Variants in SLBP observed in about 807,000 individuals in gnomAD.
SLBP encodes the protein histone RNA hairpin-binding protein.
SLBP carries 29 observed loss-of-function variants against 39.2 expected under a neutral mutation model. The observed-to-expected ratio is 0.74, with a 90% confidence interval of 0.55 to 1.01. The LOEUF is 1.01. Ranked by LOEUF, SLBP falls within the 50% of genes least tolerant of loss-of-function variation. SLBP has a pLI of 0.00. For synonymous variants in SLBP, 129 were observed against 118.7 expected (o/e 1.09, Z -0.57); for missense variants, 390 against 350.2 (o/e 1.11, Z -0.91).
intron 3 of SLBP, among the ~76,000 whole-genome samples, chr4:1,702,825 T>C (rs1214507913): frequency 6.6e-6 from 1 of 152,208 alleles, no homozygotes; most frequent in Non-Finnish European, 1.5e-5. Context: ...TTGGCATTTC[T>C]GAGCTGTTTG....
intron 6 of SLBP, among the ~76,000 whole-genome samples, chr4:1,695,619 A>G (rs536339933): frequency 3.3e-5 from 5 of 152,206 alleles, no homozygotes; most frequent in African/African-American, 1.2e-4. Context: ...CGTCTCCACT[A>G]AAAATACAAA....
At chr4:1,701,339 G>A (rs920917282) in intron 3 of SLBP, among the ~76,000 whole-genome samples, 17 of 151,778 alleles carry the variant, frequency 1.1e-4, no homozygotes, top group Non-Finnish European at 1.9e-4. Context: ...TAGAGACGGG[G>A]TTTCTCCATG....
intron 2 of SLBP, among the ~76,000 whole-genome samples, chr4:1,710,438 A>G (rs962313687): frequency 1.3e-5 from 2 of 152,238 alleles, no homozygotes. Flanking sequence ...TGTAAACCAA[A>G]AAGTGTCTGA....
intron 2 of SLBP, among the ~76,000 whole-genome samples, chr4:1,705,809 G>A (rs2108663029): frequency 6.6e-6 from 1 of 152,284 alleles, no homozygotes; most frequent in Middle Eastern, 3.4e-3. Context: ...TAATAAAAAG[G>A]TTGGAACGTC....
intron 2 of SLBP, among the ~76,000 whole-genome samples, chr4:1,711,618 A>G (rs1716775030): frequency 6.6e-6 from 1 of 152,104 alleles, no homozygotes. Flanking sequence ...GGAGCACAAC[A>G]CAGACTCGAA....
At chr4:1,710,698 T>C (rs761540273) in intron 2 of SLBP, among the ~76,000 whole-genome samples, 2 of 152,000 alleles carry the variant, frequency 1.3e-5, no homozygotes, top group African/African-American at 4.8e-5. Context: ...TGAACAGAGT[T>C]CACCCGTGGA....
At chr4:1,698,736 G>A (rs943017645) in intron 5 of SLBP, among the ~76,000 whole-genome samples, 2 of 151,574 alleles carry the variant, frequency 1.3e-5, no homozygotes, top group African/African-American at 2.4e-5. Context: ...CGCACTCCTC[G>A]GCCTCCCAAA....
At chr4:1,693,779 A>T in intron 7 of SLBP, 66 bp from the exon 8 acceptor site, 1 of 892,202 alleles carries the variant, frequency 1.1e-6, no homozygotes. Flanking sequence ...CCCTTCCTAC[A>T]CCCCACTCCT....
chr4:1,709,699 C>T (rs1179646428), intron 2 of SLBP, among the ~76,000 whole-genome samples: 1 of 151,952 alleles, frequency 6.6e-6, no homozygotes, highest in Non-Finnish European at 1.5e-5. Context: ...GCAAGCTCCG[C>T]CTCCCGGGTT....
chr4:1,709,903 C>T (rs926922842), intron 2 of SLBP, among the ~76,000 whole-genome samples: 1 of 152,208 alleles, frequency 6.6e-6, no homozygotes, highest in African/African-American at 2.4e-5. Flanking sequence ...CCACCGCGCC[C>T]GGCCTACTTC....
chr4:1,698,797 T>C (rs976221400), intron 5 of SLBP, among the ~76,000 whole-genome samples: 3 of 148,680 alleles, frequency 2.0e-5, no homozygotes, highest in African/African-American at 7.5e-5. Flanking sequence ...AGTAAAATTT[T>C]TTTTTTTAAG....
At chr4:1,707,621 C>G (rs1051490616) in intron 2 of SLBP, among the ~76,000 whole-genome samples, 6 of 151,920 alleles carry the variant, frequency 3.9e-5, no homozygotes, top group Non-Finnish European at 8.8e-5. Flanking sequence ...ATTTTTCTAC[C>G]CCATTTTTCT....
intron 3 of SLBP, among the ~76,000 whole-genome samples, chr4:1,702,733 C>A (rs1446016129): frequency 6.6e-6 from 1 of 152,164 alleles, no homozygotes; most frequent in Non-Finnish European, 1.5e-5. Flanking sequence ...GCTTAGTTTG[C>A]AAGAACTTGG....
intron 2 of SLBP, among the ~76,000 whole-genome samples, chr4:1,703,935 T>C (rs1362064963): frequency 2.6e-5 from 4 of 152,060 alleles, no homozygotes; most frequent in African/African-American, 9.7e-5. Flanking sequence ...ATTATATCAG[T>C]GAACTATGTG....
intron 5 of SLBP, among the ~76,000 whole-genome samples, chr4:1,696,728 T>C (rs1389645213): frequency 6.6e-6 from 1 of 151,870 alleles, no homozygotes; most frequent in Non-Finnish European, 1.5e-5. Context: ...TGAAACCCCG[T>C]CTCTACTAAA....
At chr4:1,698,660 AT>A (rs1443794953) in intron 5 of SLBP, among the ~76,000 whole-genome samples, 10 of 151,288 alleles carry the variant, frequency 6.6e-5, no homozygotes, top group Non-Finnish European at 1.3e-4. Flanking sequence ...AATTTCTTGT[AT>A]TTTTAGTAGA....
chr4:1,712,171 T>A lies in SLBP; in HGVS notation c.18A>T (p.Arg6=). 2 of 1,236,390 alleles carry A rather than the reference T, an allele frequency of 1.6e-6. No homozygotes were observed. Among genetic ancestry groups the A allele is most frequent in the Non-Finnish European group, 1.0e-6 (1 of 993,540 alleles). 76.6% of individuals were successfully genotyped at this position (1,236,390 alleles called of 1,614,324 possible). A position where few individuals can be genotyped will look rare whatever the true frequency, so the allele number is the denominator to read the frequency against. The change falls in exon 1 of 8, where the codon CGA becomes CGT. Residue 6 remains arginine, a synonymous_variant. Transcript: ENST00000489418. Reference sequence around the variant, plus strand: ...AGCGGCTCTGATGCCTCGGCGGGCTTCGCGGGCGGCAGGCCATGGCAGCAC... The same window carrying A: ...AGCGGCTCTGATGCCTCGGCGGGCTACGCGGGCGGCAGGCCATGGCAGCAC... MACRP[R]SPPRHQSRCD...
chr4:1,701,151 T>TTTC (rs1553819371), intron 3 of SLBP, among the ~76,000 whole-genome samples: 3 of 147,652 alleles, frequency 2.0e-5, no homozygotes, highest in African/African-American at 4.9e-5. Flanking sequence ...TTTTTCTTTT[T>TTTC]TTTTTTTTTT....
At chr4:1,699,733 C>T in intron 4 of SLBP, 32 bp from the exon 5 acceptor site, 4 of 1,604,868 alleles carry the variant, frequency 2.5e-6, no homozygotes, top group Non-Finnish European at 3.4e-6. Context: ...AGAATAAGCC[C>T]TGCAATTAAG....
Sources: gnomAD v4.1 joint callset for allele counts (sites outside exome capture counted in the v4.1 genomes callset) on GRCh38, gnomAD v4.1.1 for gene constraint, MANE v1.5 for transcripts, NCBI Gene and HGNC (gene_info 2026-07-23, HGNC 2026-07-21) for gene names.